GALNT1: variants seen among roughly 807,000 people sequenced by gnomAD.
The protein encoded by GALNT1 is GalNAc transferase 1.
A neutral mutation model predicts 65.7 loss-of-function variants in GALNT1; 17 were observed. The observed-to-expected ratio is 0.26, with a 90% CI of 0.18 to 0.39. The LOEUF (loss-of-function observed/expected upper bound fraction) is 0.39, where lower values mean the gene tolerates loss of function less well. Among genes scored for constraint, GALNT1 ranks in the 10% least tolerant of loss-of-function variants. The pLI, the probability that GALNT1 is intolerant of heterozygous loss-of-function variation, is 1.00. For synonymous variants in GALNT1, 210 were observed against 219.7 expected, an observed-to-expected ratio of 0.96 and a Z score of 0.39; for missense variants, 460 against 672.8, an observed-to-expected ratio of 0.68 and a Z score of 3.50.
At chr18:35,685,912 C>CA (rs2047860414) in intron 5 of GALNT1, among the ~76,000 whole-genome samples, 1 of 151,944 alleles carries the variant, frequency 6.6e-6, no homozygotes, top group African/African-American at 2.4e-5. Flanking sequence ...ACTAAAAATA[C>CA]AAAAAATTAG....
chr18:35,608,111 CTAGT>C (rs944084530), intron 1 of GALNT1, among the ~76,000 whole-genome samples: 1 of 151,838 alleles, frequency 6.6e-6, no homozygotes, highest in Non-Finnish European at 1.5e-5. Flanking sequence ...AGATCCCTCT[CTAGT>C]TAGTTAGATA....
At chr18:35,610,656 C>T (rs2046705641) in intron 1 of GALNT1, among the ~76,000 whole-genome samples, 1 of 151,982 alleles carries the variant, frequency 6.6e-6, no homozygotes. Flanking sequence ...ACTGAAGACC[C>T]CGAAGAGTTT....
chr18:35,700,400 C>T (rs780971227), intron 9 of GALNT1, among the ~76,000 whole-genome samples: 1 of 152,188 alleles, frequency 6.6e-6, no homozygotes, highest in African/African-American at 2.4e-5. Flanking sequence ...CAGGCGCCAC[C>T]AGGAGCCTGA....
chr18:35,585,336 A>C (rs2046367763), intron 1 of GALNT1, among the ~76,000 whole-genome samples: 2 of 152,122 alleles, frequency 1.3e-5, no homozygotes, highest in South Asian at 4.1e-4. Flanking sequence ...CCACTTGTGG[A>C]AGTGCTACCT....
rs3837905 is a variant in GALNT1 at position 35,697,229 on chromosome 18, TGA to T, written c.1299+4922_1299+4923del. Among the ~76,000 whole-genome samples, 861 of 151,986 alleles carry T rather than the reference TGA, an allele frequency of 5.7e-3. 21 individuals carry two copies. The East Asian group carries it at 0.064, about 11-fold the overall frequency. On this transcript the variant is annotated intron_variant, in intron 9 of 11. Coordinates refer to ENST00000269195, the MANE Select transcript of GALNT1 (RefSeq NM_020474.4). ...TCTCATTTAGAGCACTTAACAAACC[TGA>T]GAGAGAGAGAGATTTATCCCTGCTT...
chr18:35,648,397 G>A (rs2144347401), intron 1 of GALNT1, among the ~76,000 whole-genome samples: 2 of 152,184 alleles, frequency 1.3e-5, no homozygotes, highest in Non-Finnish European at 2.9e-5. Flanking sequence ...ATGTTCTGTT[G>A]GTTAGTTGTA....
chr18:35,594,180 G>A (rs2046477604), intron 1 of GALNT1, among the ~76,000 whole-genome samples: 2 of 152,106 alleles, frequency 1.3e-5, no homozygotes. Flanking sequence ...GATGGCATTG[G>A]TTGGTGAATG....
At chr18:35,659,801 G>C (rs540307299) in intron 2 of GALNT1, 1 of 152,114 alleles carries the variant, frequency 6.6e-6, no homozygotes, top group Non-Finnish European at 1.5e-5. Flanking sequence ...AATATTACTA[G>C]TAAAGGCTAT....
intron 1 of GALNT1, among the ~76,000 whole-genome samples, chr18:35,626,227 CTA>C (rs1239319868): frequency 1.3e-5 from 2 of 152,166 alleles, no homozygotes; most frequent in African/African-American, 4.8e-5. Flanking sequence ...GTCTCTCCTT[CTA>C]TATTGCAAGC....
At chr18:35,677,371 A>G (rs1227128356) in intron 3 of GALNT1, among the ~76,000 whole-genome samples, 2 of 152,260 alleles carry the variant, frequency 1.3e-5, no homozygotes, top group African/African-American at 4.8e-5. Context: ...TTTTAAGAAT[A>G]TAAATGACAT....
At position 35,710,889 on chromosome 18, in the gene GALNT1, T is replaced by G. The variant is rs976275244; in HGVS notation, c.*1119T>G. 1 of 152,652 alleles carries G rather than the reference T, an allele frequency of 6.6e-6. No homozygotes were observed. The highest frequency in any genetic ancestry group is 1.5e-5 in the Non-Finnish European group (1 of 68,032). 9.5% of individuals were successfully genotyped at this position (152,652 alleles called of 1,614,324 possible). On this transcript the variant is annotated 3_prime_UTR_variant, in exon 12 of 12. Transcript: ENST00000269195. ...TGGTTTTTTGGAAAACCTTTTTCAC[T>G]CCATACTCAGATATGCTTCATTGTC...
At chr18:35,637,573 A>G (rs947896638) in intron 1 of GALNT1, among the ~76,000 whole-genome samples, 2 of 152,238 alleles carry the variant, frequency 1.3e-5, no homozygotes, top group African/African-American at 2.4e-5. Flanking sequence ...GCTAGCAGAG[A>G]TTGGTTCAGG....
At chr18:35,608,988 C>T (rs1598783087) in intron 1 of GALNT1, among the ~76,000 whole-genome samples, 1 of 152,164 alleles carries the variant, frequency 6.6e-6, no homozygotes, top group Non-Finnish European at 1.5e-5. Flanking sequence ...ATCCCTGAAC[C>T]TACCACAGTA....
chr18:35,703,676 T>C (rs1427316546), intron 11 of GALNT1, 33 bp downstream of exon 11: 1 of 1,605,860 alleles, frequency 6.2e-7, no homozygotes, highest in South Asian at 1.1e-5. Context: ...GTAATAAAAT[T>C]ATGTGTGTCA....
intron 1 of GALNT1, among the ~76,000 whole-genome samples, chr18:35,589,418 T>C (rs2046417484): frequency 6.6e-6 from 1 of 152,180 alleles, no homozygotes; most frequent in Non-Finnish European, 1.5e-5. Flanking sequence ...CTGTGATGTT[T>C]GTCTGGAGTA....
At chr18:35,652,018 A>T (rs984662545) in intron 1 of GALNT1, among the ~76,000 whole-genome samples, 7 of 151,930 alleles carry the variant, frequency 4.6e-5, no homozygotes, top group Non-Finnish European at 1.0e-4. Flanking sequence ...CTAAAGACAT[A>T]AGTAGCCTTT....
intron 5 of GALNT1, among the ~76,000 whole-genome samples, chr18:35,685,484 TAAA>T (rs66682919): frequency 7.6e-6 from 1 of 132,290 alleles, no homozygotes. Context: ...AAGGATGGCT[TAAA>T]AAAAAAAAAA....
chr18:35,709,500 G>T, intron 11 of GALNT1, 124 bp from the exon 12 acceptor site: 8 of 848,594 alleles, frequency 9.4e-6, no homozygotes, highest in South Asian at 2.0e-5. Flanking sequence ...TTTCTCCGTT[G>T]TCTTTTAAAT....
At chr18:35,676,842 G>C (rs1255637405) in intron 3 of GALNT1, among the ~76,000 whole-genome samples, 1 of 152,212 alleles carries the variant, frequency 6.6e-6, no homozygotes, top group South Asian at 2.1e-4. Context: ...GTTGAAAGAA[G>C]AGACCATGTT....
Sources: allele counts gnomAD v4.1 joint callset (sites outside exome capture counted in the v4.1 genomes callset), GRCh38; gene constraint gnomAD v4.1.1; transcripts MANE v1.5; gene names NCBI Gene and HGNC (gene_info 2026-07-23, HGNC 2026-07-21).